Variants in LAMA2 observed in about 807,000 individuals in gnomAD.
LAMA2 encodes laminin subunit alpha 2, also known as laminin subunit alpha-2.
In LAMA2, 269 loss-of-function variants were observed where a neutral mutation model predicts 364.8. That is an observed-to-expected ratio of 0.74 (90% CI 0.67 to 0.82). LAMA2 has a LOEUF of 0.82. Among genes scored for constraint, LAMA2 ranks in the 40% least tolerant of loss-of-function variants. The pLI, the probability that LAMA2 is intolerant of heterozygous loss-of-function variation, is 0.00. For synonymous variants in LAMA2, 1,379 were observed against 1,370.6 expected, an observed-to-expected ratio of 1.01 and a Z score of -0.14; for missense variants, 3,807 against 3,873.2, an observed-to-expected ratio of 0.98 and a Z score of 0.45.
intron 17 of LAMA2, among the ~76,000 whole-genome samples, chr6:129,273,406 C>T (rs1417236913): frequency 6.6e-6 from 1 of 152,196 alleles, no homozygotes; most frequent in Non-Finnish European, 1.5e-5. Context: ...ATTAGCACCA[C>T]TATCAATCCA....
chr6:129,353,381 A>G, intron 32 of LAMA2, 24 bp downstream of exon 32: 1 of 1,587,056 alleles, frequency 6.3e-7, no homozygotes. Context: ...CTTTGCTGTT[A>G]GTTTTGGAGG....
At chr6:129,190,965 C>T (rs749742639) in intron 11 of LAMA2, among the ~76,000 whole-genome samples, 1 of 152,148 alleles carries the variant, frequency 6.6e-6, no homozygotes, top group Non-Finnish European at 1.5e-5. Context: ...CAAATCTGTG[C>T]AAAGAGCATG....
At chr6:128,959,704 A>C (rs1781361112) in intron 1 of LAMA2, among the ~76,000 whole-genome samples, 2 of 152,052 alleles carry the variant, frequency 1.3e-5, no homozygotes, top group Admixed American at 6.6e-5. Flanking sequence ...GCCCCTGCCC[A>C]CTGCCATTCC....
chr6:129,149,750 G>GA (rs1254751175), intron 7 of LAMA2, among the ~76,000 whole-genome samples: 3 of 151,908 alleles, frequency 2.0e-5, no homozygotes, highest in Non-Finnish European at 4.4e-5. Context: ...AAAAATGTTT[G>GA]AAAAAAAGTT....
Position 129,346,156 on chromosome 6 carries a change from T to C in LAMA2, c.4437-3142T>C, listed in dbSNP as rs80095850. Among the ~76,000 whole-genome samples the C allele has an allele frequency of 8.9e-3, 1,354 of 152,252 alleles. 21 individuals carry two copies. Among genetic ancestry groups the C allele is most frequent in the African/African-American group, 0.031 (1,302 of 41,564 alleles). On this transcript the variant is annotated intron_variant, in intron 30 of 64. Coordinates refer to ENST00000421865, the MANE Select transcript of LAMA2 (RefSeq NM_000426.4). ...GGCAGTGCTCACACACCCTTAGAAG[T>C]TTCCAGTGCCTTCCCAAGGAAAGAT...
intron 12 of LAMA2, among the ~76,000 whole-genome samples, chr6:129,209,117 C>A (rs777984506): frequency 1.1e-4 from 17 of 151,612 alleles, no homozygotes; most frequent in Non-Finnish European, 2.1e-4. Flanking sequence ...ACTCATACTG[C>A]AGGAAAAAAA....
chr6:129,333,686 T>C (rs185643060), intron 29 of LAMA2, among the ~76,000 whole-genome samples: 2 of 152,306 alleles, frequency 1.3e-5, no homozygotes, highest in Admixed American at 1.3e-4. Flanking sequence ...ATAGGCAATT[T>C]GAGAGGAAGG....
At chr6:129,047,770 AAACTT>A (rs1386228439) in intron 1 of LAMA2, among the ~76,000 whole-genome samples, 1 of 152,234 alleles carries the variant, frequency 6.6e-6, no homozygotes, top group African/African-American at 2.4e-5. Context: ...ACAGAAAAGA[AAACTT>A]AATAGTCAAT....
intron 40 of LAMA2, among the ~76,000 whole-genome samples, chr6:129,426,666 T>C (rs1192349939): frequency 6.6e-6 from 1 of 152,206 alleles, no homozygotes; most frequent in Non-Finnish European, 1.5e-5. Flanking sequence ...AATATATCTT[T>C]TTGTAGATAT....
intron 1 of LAMA2, among the ~76,000 whole-genome samples, chr6:129,018,535 A>T (rs1048438643): frequency 3.1e-5 from 4 of 130,136 alleles, no homozygotes; most frequent in African/African-American, 1.0e-4. Flanking sequence ...CTTGAGATTT[A>T]AAAAAAAAAA....
chr6:129,370,797 C>G (rs977445198), intron 34 of LAMA2, among the ~76,000 whole-genome samples: 3 of 152,186 alleles, frequency 2.0e-5, no homozygotes, highest in African/African-American at 7.2e-5. Context: ...ATACAATTTG[C>G]TAAACTCAGG....
chr6:129,489,835 A>T (rs1784771621), intron 56 of LAMA2, among the ~76,000 whole-genome samples: 1 of 152,112 alleles, frequency 6.6e-6, no homozygotes, highest in South Asian at 2.1e-4. Flanking sequence ...ATATGGTTTT[A>T]AAAAAAATCT....
At chr6:129,396,944 C>G (rs1392790035) in intron 37 of LAMA2, among the ~76,000 whole-genome samples, 1 of 144,220 alleles carries the variant, frequency 6.9e-6, no homozygotes, top group African/African-American at 2.6e-5. Context: ...CCACAGCACT[C>G]CAGCCTGGAT....
rs141270313 is a variant in LAMA2, at chr6:129,318,324, G to A, written c.4058+2153G>A. On this transcript the variant is annotated intron_variant, in intron 27 of 64. Coordinates refer to ENST00000421865, the MANE Select transcript of LAMA2 (RefSeq NM_000426.4). ...TTATAAAGTTTAATTTAAGGAAATA[G>A]CAACTTTTGCATTTCAGTAGTTATT... Among the ~76,000 whole-genome samples the A allele has an allele frequency of 2.2e-3, 341 of 151,918 alleles. 2 individuals carry two copies. Among genetic ancestry groups the A allele is most frequent in the African/African-American group, 7.8e-3 (325 of 41,424 alleles).
At chr6:129,114,798 A>G (rs957990130) in intron 4 of LAMA2, among the ~76,000 whole-genome samples, 1 of 152,104 alleles carries the variant, frequency 6.6e-6, no homozygotes, top group African/African-American at 2.4e-5. Flanking sequence ...ACATATATGT[A>G]TGGTCTTCCA....
chr6:128,919,945 A>G (rs1274166566), intron 1 of LAMA2, among the ~76,000 whole-genome samples: 1 of 152,114 alleles, frequency 6.6e-6, no homozygotes, highest in African/African-American at 2.4e-5. Flanking sequence ...TTTATAATGT[A>G]CCTCATGCTC....
chr6:129,162,009 A>G (rs1375621979), intron 8 of LAMA2, among the ~76,000 whole-genome samples: 2 of 152,168 alleles, frequency 1.3e-5, no homozygotes, highest in Non-Finnish European at 2.9e-5. Context: ...TCCTTTGGGC[A>G]TATACGCAGT....
chr6:129,397,938 G>GAAA (rs58131786), intron 37 of LAMA2, among the ~76,000 whole-genome samples: 9 of 103,500 alleles, frequency 8.7e-5, no homozygotes, highest in East Asian at 3.1e-4. Flanking sequence ...CTCCGTCTCA[G>GAAA]AAAAAAAAAA....
chr6:128,915,664 A>G lies in LAMA2; in HGVS notation c.112+32307A>G, dbSNP rs958807591. Among the ~76,000 whole-genome samples the G allele has an allele frequency of 3.9e-5, 6 of 152,252 alleles. No homozygotes were observed. In the South Asian group the frequency reaches 1.2e-3, roughly 32 times the overall value. On this transcript the variant is annotated intron_variant, in intron 1 of 64. Coordinates refer to ENST00000421865, the MANE Select transcript of LAMA2 (RefSeq NM_000426.4). Reference sequence around the variant, plus strand: ...ACTTGGCAGTGTCTTATATAACTACACTCGATGGGAGTATTACTTAAACAG... The same window carrying G: ...ACTTGGCAGTGTCTTATATAACTACGCTCGATGGGAGTATTACTTAAACAG...
Sources: allele counts gnomAD v4.1 joint callset (sites outside exome capture counted in the v4.1 genomes callset), GRCh38; gene constraint gnomAD v4.1.1; transcripts MANE v1.5; gene names NCBI Gene and HGNC (gene_info 2026-07-23, HGNC 2026-07-21).